Variants in CEP290 observed in about 807,000 individuals in gnomAD.
CEP290 encodes centrosomal protein of 290 kDa.
A neutral mutation model predicts 344.9 loss-of-function variants in CEP290; 317 were observed. The ratio of observed to expected loss-of-function variants is 0.92; its 90% CI spans 0.84 to 1.01. The LOEUF (loss-of-function observed/expected upper bound fraction) is 1.01. CEP290 is among the 50% of genes least tolerant of loss of function. The probability of loss-of-function intolerance (pLI) is 0.00; values close to 1 mark genes in which losing one functional copy is unlikely to be tolerated. For missense variants in CEP290, 2,754 were observed against 2,761.4 expected (o/e 1.00, Z 0.06); for synonymous variants, 932 against 895.8 (o/e 1.04, Z -0.72).
In CEP290 at chr12:88,092,809, T is replaced by C; in HGVS notation, c.3333A>G (p.Ala1111=). 1 of 1,609,402 alleles carries C rather than the reference T, an allele frequency of 6.2e-7. No individual in the cohort carries two copies. Among genetic ancestry groups the C allele is most frequent in the Non-Finnish European group, 8.5e-7 (1 of 1,178,274 alleles). The change falls in exon 29 of 54, where the codon GCA becomes GCG. Residue 1111 remains alanine, a synonymous_variant. Transcript: ENST00000552810. ...CTCTTAACATCTGTTCCACCTTCTG[T>C]GCATCCAAATTGATTTTGGTAAGCT... The part of the protein sequence containing the change: ...FAELTKINLD[A]QKVEQMLRDE...
chr12:88,103,965 A>G (rs1162637690), intron 25 of CEP290: 1 of 152,042 alleles, frequency 6.6e-6, no homozygotes, highest in Non-Finnish European at 1.5e-5. Context: ...TGGCTCTTCA[A>G]TTGTTGGGAG....
intron 37 of CEP290, among the ~76,000 whole-genome samples, chr12:88,082,631 T>C (rs942847730): frequency 6.6e-6 from 1 of 152,138 alleles, no homozygotes; most frequent in African/African-American, 2.4e-5. Context: ...AAGGTCAAGG[T>C]TGCAGTGAGC....
Position 88,118,567 on chromosome 12 carries a change from C to A in CEP290, c.1627G>T (p.Glu543Ter), listed in dbSNP as rs1186821575. 1.2e-6 allele frequency: 2 copies of A among 1,600,232 alleles called. No individual in the cohort carries two copies. Among genetic ancestry groups the A allele is most frequent in the East Asian group, 2.2e-5 (1 of 44,548 alleles). Residue 543 changes from glutamate to a stop codon, truncating the protein, a stop_gained, in exon 17 of 54, where the codon GAA becomes TAA. Coordinates refer to ENST00000552810, the MANE Select transcript of CEP290 (RefSeq NM_025114.4). LOFTEE classifies it high-confidence loss of function. ...TCAAGTCGTTCTTCCTCTAGACTTT[C>A]AATCTGCAAAGTATAAATTATTAGT... ...AENQILLKEI[E>*]SLEEERLDLK...
chr12:88,078,353 T>TA (rs2035940896), intron 39 of CEP290, among the ~76,000 whole-genome samples: 1 of 152,124 alleles, frequency 6.6e-6, no homozygotes, highest in Non-Finnish European at 1.5e-5. Context: ...AAGGGTAACT[T>TA]ACAATACTAG....
rs2036442671 is a variant in CEP290, at chr12:88,084,681, T to C, written c.4609A>G (p.Ile1537Val). 6.2e-7 allele frequency: 1 copy of C among 1,613,806 alleles called. No individual in the cohort carries two copies. Among genetic ancestry groups the C allele is most frequent in the Non-Finnish European group, 8.5e-7 (1 of 1,179,736 alleles). ...MEPKSHHTLKIAHQTIANMQA... is the reference protein window; with the variant it reads ...MEPKSHHTLKVAHQTIANMQA... ...ATGTTTGCAATGGTTTGATGAGCAATTTTCAATGTGTGGTGAGATTTTGGT... is the reference window on the plus strand; with the variant it reads ...ATGTTTGCAATGGTTTGATGAGCAACTTTCAATGTGTGGTGAGATTTTGGT... The change falls in exon 35 of 54, where the codon ATT becomes GTT. Residue 1537 changes from isoleucine (I) to valine (V), a missense_variant. Ile to Val is a conservative substitution (Grantham distance 29). Transcript: ENST00000552810.
At chr12:88,089,769 C>G (rs1450532911) in intron 30 of CEP290, among the ~76,000 whole-genome samples, 1 of 150,384 alleles carries the variant, frequency 6.6e-6, no homozygotes, top group East Asian at 1.9e-4. Context: ...CTCTGTCACC[C>G]AAGCTGGAGT....
At chr12:88,133,900 T>A (rs1469864317) in intron 6 of CEP290, among the ~76,000 whole-genome samples, 1 of 152,184 alleles carries the variant, frequency 6.6e-6, no homozygotes, top group Non-Finnish European at 1.5e-5. Flanking sequence ...CTATTAATGT[T>A]TTTTTCCCTT....
chr12:88,127,234 T>A (rs1337020653), intron 11 of CEP290, among the ~76,000 whole-genome samples: 1 of 152,208 alleles, frequency 6.6e-6, no homozygotes, highest in East Asian at 1.9e-4. Flanking sequence ...ACACCTGTAA[T>A]TCCAGCACTT....
At chr12:88,096,317 G>C (rs992764781) in intron 27 of CEP290, among the ~76,000 whole-genome samples, 1 of 151,848 alleles carries the variant, frequency 6.6e-6, no homozygotes, top group African/African-American at 2.4e-5. Context: ...CCAAGTGCTG[G>C]AATTACAGGT....
intron 28 of CEP290, 144 bp downstream of exon 28, chr12:88,093,626 T>A: frequency 6.8e-6 from 4 of 584,578 alleles, no homozygotes; most frequent in Non-Finnish European, 1.2e-5. Context: ...GATTTAAATC[T>A]TTTATTTATT....
At chr12:88,112,213 T>C (rs1382514435) in intron 20 of CEP290, among the ~76,000 whole-genome samples, 1 of 152,078 alleles carries the variant, frequency 6.6e-6, no homozygotes, top group Non-Finnish European at 1.5e-5. Flanking sequence ...AGTTTTCTTG[T>C]CTCTAAAAGG....
In CEP290 at chr12:88,111,204, G is replaced by C; in HGVS notation, c.2365C>G (p.Gln789Glu). The change falls in exon 22 of 54, where the codon CAG (glutamine) becomes GAG (glutamate). Residue 789 changes from glutamine to glutamate, a missense_variant and splice_region_variant. Transcript: ENST00000552810. ...ACCTGTAACAAAATTTTCAATACCT[G>C]TAACAAATGTATTAAATATTCATTC... is the stretch of plus-strand genomic sequence containing the variant. ...SQNEYLIHLL[Q>E]ELENKEKKLK... The C allele has an allele frequency of 7.3e-7, 1 of 1,372,116 alleles. No homozygotes were observed. Among genetic ancestry groups the C allele is most frequent in the Non-Finnish European group, 9.5e-7 (1 of 1,054,992 alleles). The allele number at this position is 1,372,116 out of a possible 1,614,324, so 85.0% of individuals were successfully genotyped here.
chr12:88,111,091 G>A (rs2137704545), intron 22 of CEP290, 111 bp downstream of exon 22: 1 of 627,826 alleles, frequency 1.6e-6, no homozygotes, highest in East Asian at 3.5e-5. Flanking sequence ...TTTGGTGATG[G>A]AAAAATTAAA....
intron 18 of CEP290, chr12:88,115,740 G>T: frequency 1.1e-6 from 1 of 934,828 alleles, no homozygotes; most frequent in Non-Finnish European, 1.3e-6. Context: ...AACAACCACA[G>T]AAATATAATT....
intron 22 of CEP290, among the ~76,000 whole-genome samples, chr12:88,110,140 A>C (rs2038577085): frequency 6.6e-6 from 1 of 152,154 alleles, no homozygotes; most frequent in African/African-American, 2.4e-5. Flanking sequence ...TAGCAGAGAG[A>C]AATAGTGGCC....
chr12:88,050,272 G>A, intron 53 of CEP290, 82 bp downstream of exon 53: 1 of 683,996 alleles, frequency 1.5e-6, no homozygotes, highest in Non-Finnish European at 2.5e-6. Flanking sequence ...AATTTTTTAG[G>A]ATACGTAGTT....
chr12:88,068,783 AC>A, intron 43 of CEP290, 138 bp from the exon 44 acceptor site: 1 of 797,100 alleles, frequency 1.3e-6, no homozygotes, highest in South Asian at 2.2e-5. Flanking sequence ...AACCTTCTAA[AC>A]TTTATAACAA....
At chr12:88,075,377 C>T (rs992197609) in intron 41 of CEP290, among the ~76,000 whole-genome samples, 3 of 152,082 alleles carry the variant, frequency 2.0e-5, no homozygotes, top group South Asian at 2.1e-4. Flanking sequence ...CCAAAAGCTT[C>T]GTATGCATAG....
intron 39 of CEP290, 38 bp downstream of exon 39, chr12:88,079,054 T>C (rs2137078960): frequency 6.7e-7 from 1 of 1,494,758 alleles, no homozygotes; most frequent in South Asian, 1.4e-5. Flanking sequence ...ATAGGAATTA[T>C]CAGAAATTTT....
Sources: gnomAD v4.1 joint callset for allele counts (sites outside exome capture counted in the v4.1 genomes callset) on GRCh38, gnomAD v4.1.1 for gene constraint, MANE v1.5 for transcripts, NCBI Gene and HGNC (gene_info 2026-07-23, HGNC 2026-07-21) for gene names.